The following PARP8 variants were observed in gnomAD, a reference collection of about 807,000 sequenced individuals.
PARP8 encodes the protein poly(ADP-ribose) polymerase family member 8.
PARP8 carries 51 observed loss-of-function variants against 124.1 expected under a neutral mutation model. The ratio of observed to expected loss-of-function variants is 0.41; its 90% CI spans 0.33 to 0.52. The LOEUF (loss-of-function observed/expected upper bound fraction) is 0.52. Ranked by LOEUF, PARP8 falls within the 20% of genes least tolerant of loss-of-function variation. The probability of loss-of-function intolerance (pLI) is 0.21; values close to 1 mark genes in which losing one functional copy is unlikely to be tolerated. For synonymous variants in PARP8, 391 were observed against 361.5 expected, an observed-to-expected ratio of 1.08 and a Z score of -0.93; for missense variants, 860 against 1,018.9, an observed-to-expected ratio of 0.84 and a Z score of 2.12.
At chr5:50,709,844 A>AGTGT (rs35238386) in intron 2 of PARP8, among the ~76,000 whole-genome samples, 1,287 of 127,896 alleles carry the variant, frequency 0.01, 12 homozygotes, top group East Asian at 0.04. Flanking sequence ...TTTGTACAAG[A>AGTGT]GTGTGTGTGT....
intron 2 of PARP8, among the ~76,000 whole-genome samples, chr5:50,716,343 G>A (rs1755315729): frequency 6.6e-6 from 1 of 152,122 alleles, no homozygotes; most frequent in Non-Finnish European, 1.5e-5. Flanking sequence ...GCTTTTATTA[G>A]TGATTCATGG....
intron 2 of PARP8, among the ~76,000 whole-genome samples, chr5:50,739,834 C>T (rs1757862478): frequency 1.3e-5 from 2 of 148,388 alleles, no homozygotes; most frequent in Non-Finnish European, 3.0e-5. Flanking sequence ...ACTGCAACCT[C>T]CACCTCCGAG....
At chr5:50,814,187 C>G (rs914662240) in intron 14 of PARP8, among the ~76,000 whole-genome samples, 1 of 152,080 alleles carries the variant, frequency 6.6e-6, no homozygotes, top group African/African-American at 2.4e-5. Flanking sequence ...GGTTGCCACT[C>G]TTATATCATA....
chr5:50,706,999 A>G (rs1199185897), intron 2 of PARP8, among the ~76,000 whole-genome samples: 1 of 152,076 alleles, frequency 6.6e-6, no homozygotes, highest in Non-Finnish European at 1.5e-5. Flanking sequence ...GAGTTTCACA[A>G]TTTACACAAA....
intron 2 of PARP8, among the ~76,000 whole-genome samples, chr5:50,678,664 G>A (rs1349193622): frequency 3.3e-5 from 5 of 152,146 alleles, no homozygotes; most frequent in African/African-American, 7.2e-5. Flanking sequence ...CCCAAGACCT[G>A]AGACATGCAA....
intron 15 of PARP8, 101 bp from the exon 16 acceptor site, chr5:50,821,112 G>T: frequency 7.2e-7 from 1 of 1,385,910 alleles, no homozygotes; most frequent in South Asian, 1.3e-5. Flanking sequence ...TAGCAGTCCT[G>T]ATCTTCCTCA....
At chr5:50,799,262 C>T (rs1742920807) in intron 14 of PARP8, among the ~76,000 whole-genome samples, 1 of 152,128 alleles carries the variant, frequency 6.6e-6, no homozygotes, top group Non-Finnish European at 1.5e-5. Flanking sequence ...AGGTTGGGGT[C>T]CAAAGTCATT....
intron 2 of PARP8, among the ~76,000 whole-genome samples, chr5:50,733,324 C>T (rs138161335): frequency 1.1e-4 from 16 of 151,878 alleles, no homozygotes; most frequent in South Asian, 4.2e-4. Context: ...AATAAATGGG[C>T]GAAAAACTTG....
intron 2 of PARP8, among the ~76,000 whole-genome samples, chr5:50,749,434 A>C (rs1270231850): frequency 6.6e-6 from 1 of 151,706 alleles, no homozygotes; most frequent in Non-Finnish European, 1.5e-5. Flanking sequence ...GGGGCTTGCT[A>C]TCTAGTTGAC....
intron 7 of PARP8, among the ~76,000 whole-genome samples, chr5:50,776,530 C>G (rs773445423): frequency 6.6e-6 from 1 of 152,056 alleles, no homozygotes; most frequent in Non-Finnish European, 1.5e-5. Context: ...TCATTTTTAT[C>G]CCTTTATGTA....
intron 2 of PARP8, among the ~76,000 whole-genome samples, chr5:50,699,386 C>T (rs1156306264): frequency 1.3e-5 from 2 of 152,116 alleles, no homozygotes; most frequent in African/African-American, 2.4e-5. Flanking sequence ...AATTGCAATA[C>T]CAGAAGTTAT....
intron 25 of PARP8, among the ~76,000 whole-genome samples, chr5:50,840,985 T>C (rs1294364017): frequency 2.0e-5 from 3 of 151,906 alleles, no homozygotes; most frequent in African/African-American, 7.2e-5. Flanking sequence ...AATGCAGTTA[T>C]CACTTGATGG....
intron 14 of PARP8, among the ~76,000 whole-genome samples, chr5:50,814,071 TA>T (rs1057237378): frequency 6.6e-6 from 1 of 152,140 alleles, no homozygotes; most frequent in African/African-American, 2.4e-5. Context: ...CAAGGCCTTT[TA>T]TGATATCTAA....
chr5:50,689,126 A>G (rs1407291536), intron 2 of PARP8, among the ~76,000 whole-genome samples: 1 of 142,892 alleles, frequency 7.0e-6, no homozygotes, highest in East Asian at 2.0e-4. Flanking sequence ...GCTTTCTGGG[A>G]AAGAGATCCT....
rs747163530 is a variant in PARP8, at chr5:50,822,351, G to A, written c.1811G>A (p.Arg604Gln). The change falls in exon 17 of 26, where the codon CGA becomes CAA. Residue 604 changes from arginine (R) to glutamine (Q), a missense_variant. Physicochemically the swap from Arg to Gln is conservative, Grantham distance 43 (BLOSUM62 1). Around this residue, in one of 2 missense-constraint regions of PARP8, gnomAD observed 343 missense variants for 474.7 expected, o/e 0.72. Coordinates refer to ENST00000281631, the MANE Select transcript of PARP8 (RefSeq NM_024615.4). ...ATTAAACAGAAAAAGAACTATGATC[G>A]AGTAATGAAAGCACTGGATAGCATA... ...AFNPRKKNYD[R>Q]VMKALDSITS... 5.0e-6 allele frequency: 8 copies of A among 1,611,302 alleles called. No homozygotes were observed. The highest frequency in any genetic ancestry group is 6.8e-6 in the Non-Finnish European group (8 of 1,177,780).
At chr5:50,714,025 A>C (rs1283150944) in intron 2 of PARP8, among the ~76,000 whole-genome samples, 1 of 151,916 alleles carries the variant, frequency 6.6e-6, no homozygotes, top group Admixed American at 6.6e-5. Flanking sequence ...CAGATCTGTA[A>C]GATGATACAT....
intron 2 of PARP8, among the ~76,000 whole-genome samples, chr5:50,671,504 TAA>T (rs56008455): frequency 2.6e-4 from 39 of 148,430 alleles, no homozygotes; most frequent in Admixed American, 4.0e-4. Context: ...TTGTGTTTTG[TAA>T]AAAAAAAAAA....
chr5:50,749,371 C>T lies in PARP8; in HGVS notation c.147-780C>T, dbSNP rs541135340. Among the ~76,000 whole-genome samples, 13 of 151,896 alleles carry T rather than the reference C, an allele frequency of 8.6e-5. No homozygotes were observed. The South Asian group carries it at 2.3e-3, about 27-fold the overall frequency. ...TTAAACATGTGCTGTGTGTCATGCA[C>T]CAAAGTAAATGATGACACTGCAAAT... On this transcript the variant is annotated intron_variant, in intron 2 of 25. Coordinates refer to ENST00000281631, the MANE Select transcript of PARP8 (RefSeq NM_024615.4).
At position 50,666,748 on chromosome 5, in the gene PARP8, G is replaced by A. The variant is rs942157687; in HGVS notation, c.-348G>A. The A allele has an allele frequency of 3.5e-6, 2 of 569,994 alleles. No homozygotes were observed. Among genetic ancestry groups the A allele is most frequent in the Non-Finnish European group, 4.7e-6 (2 of 422,182 alleles). 35.3% of individuals were successfully genotyped at this position (569,994 alleles called of 1,614,324 possible). On this transcript the variant is annotated 5_prime_UTR_variant, in exon 1 of 26. Transcript: ENST00000281631. ...GGTGATTGCTCTCTGGCTGTCCCCG[G>A]CACCTCGGCCCCCACGGCCGTTGGT...
Sources: gnomAD v4.1 joint callset for allele counts (sites outside exome capture counted in the v4.1 genomes callset) on GRCh38, gnomAD v4.1.1 for gene constraint, gnomAD v4.1.1 regional missense constraint, MANE v1.5 for transcripts, NCBI Gene and HGNC (gene_info 2026-07-23, HGNC 2026-07-21) for gene names.